PTPRQ: variants seen among roughly 807,000 people sequenced by gnomAD.
PTPRQ encodes phosphatidylinositol phosphatase PTPRQ.
Under a neutral mutation model 246.0 loss-of-function variants are expected in PTPRQ, and 199 were observed. That is an observed-to-expected ratio of 0.81 (90% CI 0.72 to 0.91). The LOEUF (loss-of-function observed/expected upper bound fraction) is 0.91, where lower values mean the gene tolerates loss of function less well. PTPRQ is among the 40% of genes least tolerant of loss of function. PTPRQ has a pLI of 0.00. For missense variants in PTPRQ, 2,624 were observed against 2,528.4 expected (o/e 1.04, Z -0.81); for synonymous variants, 869 against 853.2 (o/e 1.02, Z -0.32).
chr12:80,617,783 A>C (rs1898819362), intron 30 of PTPRQ, among the ~76,000 whole-genome samples: 1 of 151,466 alleles, frequency 6.6e-6, no homozygotes, highest in African/African-American at 2.4e-5. Flanking sequence ...TGGAATATTC[A>C]ATTGGTAGTA....
chr12:80,485,070 T>A, intron 9 of PTPRQ, among the ~76,000 whole-genome samples: 1 of 152,110 alleles, frequency 6.6e-6, no homozygotes, highest in East Asian at 1.9e-4. Flanking sequence ...TTTTTTTTTT[T>A]CAAAGTACAT....
intron 24 of PTPRQ, chr12:80,546,956 T>A (rs1192068466): frequency 6.6e-6 from 2 of 303,112 alleles, no homozygotes; most frequent in South Asian, 8.6e-5. Flanking sequence ...CAAAATAGCC[T>A]TCTAGATATC....
At chr12:80,552,823 C>A (rs542987859) in intron 25 of PTPRQ, among the ~76,000 whole-genome samples, 46 of 151,718 alleles carry the variant, frequency 3.0e-4, no homozygotes, top group Non-Finnish European at 5.9e-4. Context: ...TTTCCTACTA[C>A]TGAGTACCAT....
Position 80,588,291 on chromosome 12 carries a change from T to C in PTPRQ, c.4448T>C (p.Val1483Ala). Reference protein sequence around the residue: ...KCKEWESEECVEYQKIQYLYE... With the variant: ...KCKEWESEECAEYQKIQYLYE... ...AAAGAATGGGAATCCGAAGAATGTG[T>C]TGAATATCAAAAAATTCAATACCTC... Residue 1483 changes from valine to alanine, a missense_variant, in exon 26 of 45, where the codon GTT (valine) becomes GCT (alanine). Val to Ala is a moderately conservative substitution (Grantham distance 64). Transcript: ENST00000644991. The C allele has an allele frequency of 6.4e-7, 1 of 1,551,568 alleles. No homozygotes were observed. Among genetic ancestry groups the C allele is most frequent in the Non-Finnish European group, 8.7e-7 (1 of 1,146,928 alleles).
chr12:80,601,071 A>T (rs1423768561), intron 26 of PTPRQ, among the ~76,000 whole-genome samples: 1 of 151,838 alleles, frequency 6.6e-6, no homozygotes, highest in African/African-American at 2.4e-5. Flanking sequence ...TTTAAATGTT[A>T]TCTGCTTAGT....
At position 80,579,940 on chromosome 12, in the gene PTPRQ, A is replaced by C. The variant is rs371438790; in HGVS notation, c.4286-8189A>C. 2.4e-4 allele frequency among the ~76,000 whole-genome samples: 37 copies of C among 152,284 alleles called. 1 individual carries two copies. The highest frequency in any genetic ancestry group is 8.7e-4 in the African/African-American group (36 of 41,552). ...CAGACATCTGTTTTGCTTAAAAGAG[A>C]GTACATCTGTTCCTGAAAAATAAAA... On this transcript the variant is annotated intron_variant, in intron 25 of 44. Coordinates refer to ENST00000644991, the MANE Select transcript of PTPRQ (RefSeq NM_001145026.2).
At chr12:80,626,589 GT>G (rs2121151756) in intron 33 of PTPRQ, among the ~76,000 whole-genome samples, 1 of 152,168 alleles carries the variant, frequency 6.6e-6, no homozygotes, top group Admixed American at 6.5e-5. Context: ...GAAGCATTGT[GT>G]TTTTTACTAA....
chr12:80,520,672 C>T (rs576710050), intron 17 of PTPRQ, among the ~76,000 whole-genome samples: 3,631 of 151,974 alleles, frequency 0.024, 136 homozygotes, highest in African/African-American at 0.082. Flanking sequence ...CATCCATGTC[C>T]CTACAAAGGA....
rs1384647394 is a variant in PTPRQ at position 80,539,940 on chromosome 12, A to C, written c.3150A>C (p.Gln1050His). 1 of 1,505,744 alleles carries C rather than the reference A, an allele frequency of 6.6e-7. No individual in the cohort carries two copies. The highest frequency in any genetic ancestry group is 8.9e-7 in the Non-Finnish European group (1 of 1,128,414). 93.3% of individuals were successfully genotyped at this position (1,505,744 alleles called of 1,614,324 possible). Residue 1050 changes from glutamine to histidine, a missense_variant, in exon 20 of 45, where the codon CAA becomes CAC. Physicochemically the swap from Gln to His is conservative, Grantham distance 24 (BLOSUM62 0). Coordinates refer to ENST00000644991, the MANE Select transcript of PTPRQ (RefSeq NM_001145026.2). ...SSDIIEVYTD[Q>H]DIPEGFVGNL... The stretch of plus-strand genomic sequence containing the variant: ...ACATCATTGAAGTATACACAGATCA[A>C]GACAGTATGTAAACAAAAAACACTA...
chr12:80,676,077 A>G (rs913226223), intron 43 of PTPRQ, among the ~76,000 whole-genome samples: 10 of 152,254 alleles, frequency 6.6e-5, no homozygotes, highest in Admixed American at 3.3e-4. Flanking sequence ...CTTAGTTCCC[A>G]GAAGTTAGGC....
intron 25 of PTPRQ, among the ~76,000 whole-genome samples, chr12:80,582,459 AG>A (rs1897473733): frequency 6.6e-6 from 1 of 152,150 alleles, no homozygotes; most frequent in Admixed American, 6.5e-5. Context: ...GGCCTTTCAG[AG>A]GTAATTAGGT....
intron 38 of PTPRQ, among the ~76,000 whole-genome samples, chr12:80,654,748 T>C (rs919878457): frequency 1.1e-4 from 16 of 151,092 alleles, no homozygotes; most frequent in African/African-American, 3.6e-4. Flanking sequence ...TAATCCCAGC[T>C]ACTCGAGAGG....
At position 80,539,230 on chromosome 12, in the gene PTPRQ, T is replaced by C. The variant is rs939927820; in HGVS notation, c.2986-546T>C. Among the ~76,000 whole-genome samples the C allele has an allele frequency of 6.0e-4, 92 of 152,118 alleles. 4 individuals carry two copies. The highest frequency in any genetic ancestry group is 7.2e-5 in the African/African-American group (3 of 41,454). On this transcript the variant is annotated intron_variant, in intron 19 of 44. Coordinates refer to ENST00000644991, the MANE Select transcript of PTPRQ (RefSeq NM_001145026.2). ...CTACACATCAGAGAGTACATCAGTC[T>C]GCTATCCCTTTGCTACAACTGTGAG...
chr12:80,463,932 A>G (rs11522883), intron 6 of PTPRQ, among the ~76,000 whole-genome samples: 28,287 of 151,920 alleles, frequency 0.19, 2,846 homozygotes, highest in Middle Eastern at 0.22. Flanking sequence ...TGTAAAGACC[A>G]TCGAGACTAA....
At chr12:80,504,696 C>T (rs936396336) in intron 14 of PTPRQ, among the ~76,000 whole-genome samples, 1 of 151,846 alleles carries the variant, frequency 6.6e-6, no homozygotes, top group South Asian at 2.1e-4. Flanking sequence ...GGAGTAATAG[C>T]AGCTCAGGAC....
At chr12:80,491,805 A>T (rs892371492) in intron 9 of PTPRQ, among the ~76,000 whole-genome samples, 1 of 151,866 alleles carries the variant, frequency 6.6e-6, no homozygotes, top group Non-Finnish European at 1.5e-5. Flanking sequence ...AAGTGCTTTG[A>T]TATTCCTAAG....
intron 8 of PTPRQ, among the ~76,000 whole-genome samples, chr12:80,481,083 T>C (rs1894031596): frequency 6.6e-6 from 1 of 152,100 alleles, no homozygotes; most frequent in Non-Finnish European, 1.5e-5. Flanking sequence ...AAAGAGAATT[T>C]TAGACCAATA....
chr12:80,457,148 G>A (rs1701456483), intron 3 of PTPRQ, among the ~76,000 whole-genome samples: 3 of 151,958 alleles, frequency 2.0e-5, no homozygotes, highest in South Asian at 4.1e-4. Flanking sequence ...TTTTAAAACA[G>A]TTTTTTGAGT....
intron 39 of PTPRQ, among the ~76,000 whole-genome samples, chr12:80,667,202 T>C (rs149020593): frequency 7.6e-4 from 116 of 152,058 alleles, no homozygotes; most frequent in African/African-American, 2.7e-3. Flanking sequence ...TCCTTTAAGG[T>C]CGTTGGACTT....
Sources: allele counts gnomAD v4.1 joint callset (sites outside exome capture counted in the v4.1 genomes callset), GRCh38; gene constraint gnomAD v4.1.1; transcripts MANE v1.5; gene names NCBI Gene and HGNC (gene_info 2026-07-23, HGNC 2026-07-21).